The following ZSWIM8 variants were observed in gnomAD, a reference collection of about 807,000 sequenced individuals.
ZSWIM8 encodes zinc finger SWIM domain-containing protein 8.
A neutral mutation model predicts 173.7 loss-of-function variants in ZSWIM8; 27 were observed. The ratio of observed to expected loss-of-function variants is 0.16; its 90% confidence interval spans 0.11 to 0.21. The LOEUF is 0.21. Ranked by LOEUF, ZSWIM8 falls within the 10% of genes least tolerant of loss-of-function variation. ZSWIM8 has a pLI of 1.00. For synonymous variants in ZSWIM8, 958 were observed against 962.0 expected, an observed-to-expected ratio of 1.00 and a Z score of 0.08; for missense variants, 1,627 against 2,428.8, an observed-to-expected ratio of 0.67 and a Z score of 6.94.
At position 73,791,634 on chromosome 10, in the gene ZSWIM8, T is replaced by C. The variant is rs1422067083; in HGVS notation, c.1319+135T>C. ...AACGGGAGGTGCTGAGCACTGGTGT[T>C]AGCAGTGATTTACGAGTCCTTTTTC... On this transcript the variant is annotated intron_variant, in intron 9 of 25. Coordinates refer to ENST00000604729, the MANE Select transcript of ZSWIM8 (RefSeq NM_001367799.1). This position sits in a 1 kb window ranked among gnomAD's most constrained non-coding sequence, Gnocchi z 6.0. 8.6e-7 allele frequency: 1 copy of C among 1,165,450 alleles called. No individual in the cohort carries two copies. Among genetic ancestry groups the C allele is most frequent in the Non-Finnish European group, 1.2e-6 (1 of 854,386 alleles). The allele number at this position is 1,165,450 out of a possible 1,614,324, so 72.2% of individuals were successfully genotyped here.
Position 73,797,034 on chromosome 10 carries a change from C to G in ZSWIM8, c.3274+20C>G. 6.2e-7 allele frequency: 1 copy of G among 1,609,374 alleles called. No homozygotes were observed. The highest frequency in any genetic ancestry group is 8.5e-7 in the Non-Finnish European group (1 of 1,176,738). ...TGCCTGGTGAGGTGGGGGCACTGGG[C>G]AGGGGGGATGAATGGTGTGGACCTA... On this transcript the variant is annotated intron_variant, in intron 16 of 25. Coordinates refer to ENST00000604729, the MANE Select transcript of ZSWIM8 (RefSeq NM_001367799.1). The surrounding 1 kb of genome is among the most constrained non-coding windows in gnomAD (Gnocchi z 5.6).
At position 73,791,904 on chromosome 10, in the gene ZSWIM8, G is replaced by T. The variant is rs1322109525; in HGVS notation, c.1365G>T (p.Val455=). Residue 455 remains valine, a synonymous_variant, in exon 10 of 26, where the codon GTG becomes GTT. Transcript: ENST00000604729. This position sits in a 1 kb window ranked among gnomAD's most constrained non-coding sequence, Gnocchi z 6.0. ...CTQLRQWQLK[V]IENVKRGQHK... is the part of the protein sequence containing the mutation. ...AGCTGCGGCAGTGGCAACTGAAGGT[G>T]ATTGAGAACGTCAAGCGGGGCCAAC... The T allele has an allele frequency of 6.5e-7, 1 of 1,547,898 alleles. No homozygotes were observed. Among genetic ancestry groups the T allele is most frequent in the South Asian group, 1.2e-5 (1 of 83,820 alleles).
intron 1 of ZSWIM8, chr10:73,786,601 G>A (rs2083236436): frequency 6.5e-6 from 1 of 152,876 alleles, no homozygotes; most frequent in Admixed American, 6.5e-5. Context: ...TTGCTTCGGG[G>A]TGATGATCTC....
intron 1 of ZSWIM8, among the ~76,000 whole-genome samples, chr10:73,787,566 G>A (rs1023701806): frequency 3.9e-5 from 6 of 152,040 alleles, no homozygotes; most frequent in Admixed American, 3.9e-4. Flanking sequence ...AAAATAAAGG[G>A]GTTGGCCAGG....
At position 73,798,023 on chromosome 10, in the gene ZSWIM8, C is replaced by T; in HGVS notation, c.3905C>T (p.Pro1302Leu). ...YALGLHNFVS[P>L]NWLSRTYSSH... ...CTTGGCCTGCACAACTTTGTTTCTC[C>T]CAACTGGCTCTCACGTACTTATTCT... The change falls in exon 19 of 26, where the codon CCC becomes CTC. Residue 1302 changes from proline (P) to leucine (L), a missense_variant. By Grantham distance (98) the Pro-to-Leu change is moderately conservative. Transcript: ENST00000604729. 1 of 1,614,038 alleles carries T rather than the reference C, an allele frequency of 6.2e-7. No individual in the cohort carries two copies. Among genetic ancestry groups the T allele is most frequent in the Non-Finnish European group, 8.5e-7 (1 of 1,179,884 alleles).
chr10:73,801,129 C>T lies in ZSWIM8; in HGVS notation c.5235C>T (p.Ala1745=). 1.3e-6 allele frequency: 2 copies of T among 1,588,766 alleles called. No individual in the cohort carries two copies. Among genetic ancestry groups the T allele is most frequent in the East Asian group, 4.6e-5 (2 of 43,262 alleles). ...TGCAGCGGCTGAGTCCCGCTCATGC[C>T]CACAACCACCTGCGTGCCCCGGCCT... The part of the protein sequence containing the change: ...ETLQRLSPAH[A]HNHLRAPAFH... Residue 1745 remains alanine, a synonymous_variant, in exon 25 of 26, where the codon GCC becomes GCT. Transcript: ENST00000604729. The surrounding 1 kb of genome is among the most constrained non-coding windows in gnomAD (Gnocchi z 4.9).
chr10:73,798,348 C>T lies in ZSWIM8; in HGVS notation c.4071C>T (p.Ser1357=), dbSNP rs751112776. ...ACAGGGCATCACGGGCAAGAGACTC[C>T]AATATGGTGAGGGCGGCAGCAGAGC... The part of the protein sequence containing the change: ...LADRASRARD[S]NMVRAAAELA... Residue 1357 remains serine, a synonymous_variant, in exon 20 of 26, where the codon TCC becomes TCT. Transcript: ENST00000604729. 2 of 1,614,006 alleles carry T rather than the reference C, an allele frequency of 1.2e-6. No homozygotes were observed. Among genetic ancestry groups the T allele is most frequent in the East Asian group, 4.5e-5 (2 of 44,884 alleles).
At chr10:73,790,078 G>A in intron 6 of ZSWIM8, 41 bp downstream of exon 6, 1 of 1,609,702 alleles carries the variant, frequency 6.2e-7, no homozygotes, top group Non-Finnish European at 8.5e-7. Flanking sequence ...AAGAAAGCCA[G>A]CTTGTAGTAC....
chr10:73,792,055 C>G lies in ZSWIM8; in HGVS notation c.1516C>G (p.Leu506Val), dbSNP rs1309037830. 19 of 1,545,116 alleles carry G rather than the reference C, an allele frequency of 1.2e-5. No homozygotes were observed. The highest frequency in any genetic ancestry group is 4.1e-5 in the African/African-American group (3 of 72,974). Residue 506 changes from leucine to valine, a missense_variant, in exon 10 of 26, where the codon CTG (leucine) becomes GTG (valine). Leu to Val is a conservative substitution (Grantham distance 32). Coordinates refer to ENST00000604729, the MANE Select transcript of ZSWIM8 (RefSeq NM_001367799.1). The surrounding 1 kb of genome is among the most constrained non-coding windows in gnomAD (Gnocchi z 4.3). ...TYSGTDRKLA[L>V]CWARALPSRP... ...CAGCGGCACTGACAGGAAGCTGGCA[C>G]TGTGCTGGGCCCGGGCCCTGCCCTC...
In ZSWIM8 at chr10:73,796,626, C is replaced by T. The variant is rs1415965585; in HGVS notation, c.3034-148C>T. Reference sequence around the variant, plus strand: ...ATAAGTTACAAAAAGACATGTAAACCAGGAGGTCATCCTGTGGTTGTAAGT... The same window carrying T: ...ATAAGTTACAAAAAGACATGTAAACTAGGAGGTCATCCTGTGGTTGTAAGT... On this transcript the variant is annotated intron_variant, in intron 15 of 25. Coordinates refer to ENST00000604729, the MANE Select transcript of ZSWIM8 (RefSeq NM_001367799.1). The T allele has an allele frequency of 2.8e-6, 3 of 1,088,954 alleles. No individual in the cohort carries two copies. The East Asian group carries it at 7.8e-5, about 28-fold the overall frequency. 67.5% of individuals were successfully genotyped at this position (1,088,954 alleles called of 1,614,324 possible).
In ZSWIM8 at chr10:73,790,167, C is replaced by A. The variant is rs199700411; in HGVS notation, c.821-5C>A. 150 of 1,611,584 alleles carry A rather than the reference C, an allele frequency of 9.3e-5. No individual in the cohort carries two copies. The highest frequency in any genetic ancestry group is 2.1e-4 in the South Asian group (19 of 90,648). On this transcript the variant is annotated splice_region_variant and splice_polypyrimidine_tract_variant and intron_variant, in intron 6 of 25. Coordinates refer to ENST00000604729, the MANE Select transcript of ZSWIM8 (RefSeq NM_001367799.1). ...TCTAGATGACTGACTGCCTGTCATC[C>A]TCAGACCCCACAGCAGGGCCCTCAG... is the stretch of plus-strand genomic sequence containing the variant.
At chr10:73,796,678 A>G (rs915968361) in intron 15 of ZSWIM8, 96 bp from the exon 16 acceptor site, 7 of 1,513,448 alleles carry the variant, frequency 4.6e-6, no homozygotes, top group Admixed American at 3.9e-5. Flanking sequence ...GGATGTAGCA[A>G]TTGGCTGTTT....
At chr10:73,799,828 A>G (rs2083844143) in intron 21 of ZSWIM8, 183 bp from the exon 22 acceptor site, 1 of 660,186 alleles carries the variant, frequency 1.5e-6, no homozygotes, top group East Asian at 2.8e-5. Flanking sequence ...GATGGGAATC[A>G]CTTGAACCTG....
intron 21 of ZSWIM8, 149 bp from the exon 22 acceptor site, chr10:73,799,862 G>T: frequency 1.3e-6 from 1 of 768,108 alleles, no homozygotes. Context: ...GCAGTGAGCC[G>T]ATATCGTGCC....
intron 21 of ZSWIM8, 122 bp from the exon 22 acceptor site, chr10:73,799,889 G>A (rs988660848): frequency 9.9e-7 from 1 of 1,006,836 alleles, no homozygotes; most frequent in Non-Finnish European, 1.5e-6. Flanking sequence ...CTCCAGCCTG[G>A]AGGACAGAGC....
chr10:73,797,350 C>T lies in ZSWIM8; in HGVS notation c.3434-27C>T. ...TCTTAACATCTGGGACTCCTGACTT[C>T]TGAGACTGACTTCTCTTGGGGGTTA... On this transcript the variant is annotated intron_variant, in intron 17 of 25. Coordinates refer to ENST00000604729, the MANE Select transcript of ZSWIM8 (RefSeq NM_001367799.1). The surrounding 1 kb of genome is among the most constrained non-coding windows in gnomAD (Gnocchi z 5.6). 1.9e-6 allele frequency: 3 copies of T among 1,613,180 alleles called. No individual in the cohort carries two copies. Among genetic ancestry groups the T allele is most frequent in the Non-Finnish European group, 2.5e-6 (3 of 1,179,326 alleles).
rs747311622 is a variant in ZSWIM8, at chr10:73,789,943, CTT to C, written c.739-11_739-10del. 3 of 1,611,620 alleles carry C rather than the reference CTT, an allele frequency of 1.9e-6. No homozygotes were observed. In the South Asian group the frequency reaches 3.3e-5, roughly 18 times the overall value. ...GGCCGTGTTCTGCCTGCCTCCGTCT[CTT>C]TCTCCCTCAGATCCTCCCCACAGCT... On this transcript the variant is annotated splice_polypyrimidine_tract_variant and intron_variant, in intron 5 of 25. Transcript: ENST00000604729. The surrounding 1 kb of genome is among the most constrained non-coding windows in gnomAD (Gnocchi z 6.8).
Position 73,797,234 on chromosome 10 carries a change from A to G in ZSWIM8, c.3396A>G (p.Gly1132=). The part of the protein sequence containing the change: ...LGSRGGYNGR[G]WGSPGRPKKK... ...GTCGTGGAGGCTATAATGGACGGGG[A>G]TGGGGGTCCCCAGGACGGCCTAAGA... The change falls in exon 17 of 26, where the codon GGA becomes GGG. Residue 1132 remains glycine (G), a synonymous_variant. Coordinates refer to ENST00000604729, the MANE Select transcript of ZSWIM8 (RefSeq NM_001367799.1). The surrounding 1 kb of genome is among the most constrained non-coding windows in gnomAD (Gnocchi z 5.6). The G allele has an allele frequency of 6.2e-7, 1 of 1,613,948 alleles. No homozygotes were observed. Among genetic ancestry groups the G allele is most frequent in the Non-Finnish European group, 8.5e-7 (1 of 1,179,868 alleles).
At chr10:73,788,315 A>C (rs192958558) in intron 1 of ZSWIM8, among the ~76,000 whole-genome samples, 1 of 152,192 alleles carries the variant, frequency 6.6e-6, no homozygotes, top group Admixed American at 6.5e-5. Context: ...TGAATTTAAA[A>C]TGCTCATGGA....
Sources: allele counts gnomAD v4.1 joint callset (sites outside exome capture counted in the v4.1 genomes callset), GRCh38; gene constraint gnomAD v4.1.1; non-coding constraint Gnocchi (gnomAD v3.1); transcripts MANE v1.5; gene names NCBI Gene and HGNC (gene_info 2026-07-23, HGNC 2026-07-21).